Variants in FMN2 observed in about 807,000 individuals in gnomAD.
The protein encoded by FMN2 is formin 2.
FMN2 carries 51 observed loss-of-function variants against 142.3 expected under a neutral mutation model. The ratio of observed to expected loss-of-function variants is 0.36; its 90% CI spans 0.29 to 0.45. FMN2 has a LOEUF of 0.45. FMN2 is among the 20% of genes least tolerant of loss of function. The pLI is 1.00. For synonymous variants in FMN2, 882 were observed against 869.8 expected (o/e 1.01, Z -0.25); for missense variants, 1,936 against 2,122.8 (o/e 0.91, Z 1.73).
At chr1:240,195,808 A>G (rs1463301073) in intron 4 of FMN2, among the ~76,000 whole-genome samples, 2 of 152,158 alleles carry the variant, frequency 1.3e-5, no homozygotes, top group Non-Finnish European at 2.9e-5. Context: ...ACTTGAGCCC[A>G]GGAGTCTGAG....
chr1:240,352,786 C>T (rs995504248), intron 13 of FMN2, among the ~76,000 whole-genome samples: 2 of 152,110 alleles, frequency 1.3e-5, no homozygotes, highest in African/African-American at 4.8e-5. Context: ...TTAAGTATAT[C>T]CTTAATATGC....
Position 240,336,616 on chromosome 1 carries a change from G to T in FMN2, c.4765+2387G>T, listed in dbSNP as rs940423049. On this transcript the variant is annotated intron_variant, in intron 13 of 17. Transcript: ENST00000319653. ...CAATTGTTTTCCCATTTATTACAGA[G>T]AACTTTTTTCACAGAATCTCTGGTG... Among the ~76,000 whole-genome samples the T allele has an allele frequency of 3.1e-5, 4 of 128,538 alleles. No homozygotes were observed. The Admixed American group carries it at 3.3e-4, about 11-fold the overall frequency. The allele number at this position is 128,538 out of a possible 152,430, so 84.3% of individuals were successfully genotyped here. A position where few individuals can be genotyped will look rare whatever the true frequency, so the allele number is the denominator to read the frequency against.
At chr1:240,383,880 G>GAA (rs140109654) in intron 14 of FMN2, among the ~76,000 whole-genome samples, 1,753 of 146,736 alleles carry the variant, frequency 0.012, 34 homozygotes, top group African/African-American at 0.042. Context: ...ACTGGAGAAA[G>GAA]AAAAAAAATA....
intron 15 of FMN2, among the ~76,000 whole-genome samples, chr1:240,437,679 C>T (rs1183538477): frequency 6.6e-6 from 1 of 152,088 alleles, no homozygotes. Context: ...ATATGGACTA[C>T]ATACTAGTTT....
chr1:240,265,807 A>G (rs1427829029), intron 7 of FMN2, among the ~76,000 whole-genome samples: 1 of 152,082 alleles, frequency 6.6e-6, no homozygotes, highest in Non-Finnish European at 1.5e-5. Context: ...TAAGCACTTA[A>G]TCAATGTTAG....
intron 7 of FMN2, among the ~76,000 whole-genome samples, chr1:240,265,262 C>T (rs977838003): frequency 6.6e-6 from 1 of 152,090 alleles, no homozygotes; most frequent in Non-Finnish European, 1.5e-5. Flanking sequence ...AATTTTTTCA[C>T]ATCTGTGAAT....
At chr1:240,259,479 C>A (rs957912765) in intron 7 of FMN2, among the ~76,000 whole-genome samples, 1 of 140,562 alleles carries the variant, frequency 7.1e-6, no homozygotes, top group African/African-American at 2.7e-5. Flanking sequence ...CCTTTGAAAC[C>A]CTGTACACTT....
chr1:240,379,710 A>T (rs1273996297), intron 14 of FMN2, among the ~76,000 whole-genome samples: 1 of 152,176 alleles, frequency 6.6e-6, no homozygotes, highest in Non-Finnish European at 1.5e-5. Context: ...TAATTACAGC[A>T]GGAGGGTAAG....
At chr1:240,148,377 GAGAGAAAGAC>G (rs1558321329) in intron 2 of FMN2, among the ~76,000 whole-genome samples, 6 of 145,158 alleles carry the variant, frequency 4.1e-5, no homozygotes, top group South Asian at 2.1e-4. Flanking sequence ...CAGAGAGAGA[GAGAGAAAGAC>G]AGAGAGAAAG....
At chr1:240,434,303 G>A (rs1368058820) in intron 15 of FMN2, among the ~76,000 whole-genome samples, 3 of 152,114 alleles carry the variant, frequency 2.0e-5, no homozygotes, top group Non-Finnish European at 4.4e-5. Context: ...ATTGGTATAT[G>A]GTGGCTGGGA....
intron 7 of FMN2, among the ~76,000 whole-genome samples, chr1:240,291,443 G>A (rs981223768): frequency 1.3e-5 from 2 of 152,162 alleles, no homozygotes; most frequent in East Asian, 3.9e-4. Flanking sequence ...AAAGCAGCAA[G>A]GAGGAAATGA....
intron 15 of FMN2, among the ~76,000 whole-genome samples, chr1:240,396,303 C>CGTGTGTGTGTGT (rs57641655): frequency 9.8e-5 from 14 of 142,828 alleles, no homozygotes; most frequent in African/African-American, 2.3e-4. Flanking sequence ...CCGAGGTTTT[C>CGTGTGTGTGTGT]GTGTGTGTGT....
At position 240,303,308 on chromosome 1, in the gene FMN2, C is replaced by A. The variant is rs141719518; in HGVS notation, c.4215+8425C>A. Reference sequence around the variant, plus strand: ...TGGTCTAGTGTCCTGTCATTTCATCCTGCAGGACTCCCTTGAGCATTTCTT... The same window carrying A: ...TGGTCTAGTGTCCTGTCATTTCATCATGCAGGACTCCCTTGAGCATTTCTT... On this transcript the variant is annotated intron_variant, in intron 8 of 17. Transcript: ENST00000319653. 3.1e-4 allele frequency among the ~76,000 whole-genome samples: 47 copies of A among 152,314 alleles called. No homozygotes were observed. The East Asian group carries it at 7.5e-3, about 24-fold the overall frequency.
intron 3 of FMN2, among the ~76,000 whole-genome samples, chr1:240,183,894 C>T (rs1329143332): frequency 2.6e-5 from 4 of 151,982 alleles, no homozygotes; most frequent in Admixed American, 2.0e-4. Context: ...TGGTATATAC[C>T]ATTAAAGAAG....
In FMN2 at chr1:240,438,885, G is replaced by A. The variant is rs12094771; in HGVS notation, c.5060+675G>A. Reference sequence around the variant, plus strand: ...GTCTAGTGGGAAACTAAAGGGAAACGTAATCTATACTATAAAGCAAGCCAT... The same window carrying A: ...GTCTAGTGGGAAACTAAAGGGAAACATAATCTATACTATAAAGCAAGCCAT... On this transcript the variant is annotated intron_variant, in intron 16 of 17. Transcript: ENST00000319653. Among the ~76,000 whole-genome samples, 716 of 152,284 alleles carry A rather than the reference G, an allele frequency of 4.7e-3. 5 individuals carry two copies. Among genetic ancestry groups the A allele is most frequent in the African/African-American group, 0.016 (676 of 41,552 alleles).
chr1:240,185,908 T>C (rs1665426555), intron 3 of FMN2, among the ~76,000 whole-genome samples: 1 of 152,208 alleles, frequency 6.6e-6, no homozygotes, highest in African/African-American at 2.4e-5. Context: ...TAATATTAAC[T>C]GTTAACTAGC....
At chr1:240,397,648 G>T (rs142694996) in intron 15 of FMN2, among the ~76,000 whole-genome samples, 3,334 of 151,980 alleles carry the variant, frequency 0.022, 54 homozygotes, top group Middle Eastern at 0.041. Context: ...AAATTAGCCA[G>T]GCGTGGTGGT....
intron 8 of FMN2, among the ~76,000 whole-genome samples, chr1:240,313,866 C>T (rs1670676090): frequency 6.6e-6 from 1 of 151,998 alleles, no homozygotes; most frequent in Non-Finnish European, 1.5e-5. Context: ...CCCAGCTACT[C>T]AGGAGACTGA....
chr1:240,256,256 C>A (rs551812759), intron 6 of FMN2, among the ~76,000 whole-genome samples: 4 of 152,160 alleles, frequency 2.6e-5, no homozygotes, highest in Admixed American at 2.6e-4. Context: ...CTTAAGAGGA[C>A]AATGCTATGG....
Sources: allele counts gnomAD v4.1 joint callset (sites outside exome capture counted in the v4.1 genomes callset), GRCh38; gene constraint gnomAD v4.1.1; transcripts MANE v1.5; gene names NCBI Gene and HGNC (gene_info 2026-07-23, HGNC 2026-07-21).